ANTXR1: variants seen among roughly 807,000 people sequenced by gnomAD.
ANTXR1 encodes the protein anthrax toxin receptor 1.
In ANTXR1, 19 loss-of-function variants were observed where a neutral mutation model predicts 78.1. The observed-to-expected ratio is 0.24, with a 90% confidence interval of 0.17 to 0.36. The LOEUF (loss-of-function observed/expected upper bound fraction) is 0.36. Ranked by LOEUF, ANTXR1 falls within the 10% of genes least tolerant of loss-of-function variation. ANTXR1 has a pLI of 1.00. For missense variants in ANTXR1, 518 were observed against 718.6 expected, an observed-to-expected ratio of 0.72 and a Z score of 3.19; for synonymous variants, 273 against 260.5, an observed-to-expected ratio of 1.05 and a Z score of -0.46.
At chr2:69,101,282 A>G (rs566535629) in intron 9 of ANTXR1, among the ~76,000 whole-genome samples, 2 of 152,324 alleles carry the variant, frequency 1.3e-5, no homozygotes, top group East Asian at 3.9e-4. Context: ...CAACTCCTAA[A>G]TGACTCATCT....
At chr2:69,129,203 A>C (rs76240410) in intron 12 of ANTXR1, among the ~76,000 whole-genome samples, 6,425 of 152,272 alleles carry the variant, frequency 0.042, 462 homozygotes, top group African/African-American at 0.15. Context: ...AAAATTACTA[A>C]TATAGTGCTG....
intron 10 of ANTXR1, among the ~76,000 whole-genome samples, chr2:69,117,985 C>T (rs1672206973): frequency 6.6e-6 from 1 of 152,160 alleles, no homozygotes; most frequent in Non-Finnish European, 1.5e-5. Context: ...CCTGATAAAT[C>T]CCCAAATCCT....
intron 12 of ANTXR1, among the ~76,000 whole-genome samples, chr2:69,150,608 TA>T (rs1673366704): frequency 6.6e-6 from 1 of 152,156 alleles, no homozygotes; most frequent in South Asian, 2.1e-4. Flanking sequence ...AATATAAATT[TA>T]AAAATTTAGT....
intron 10 of ANTXR1, among the ~76,000 whole-genome samples, chr2:69,109,835 T>C (rs1671923943): frequency 6.6e-6 from 1 of 152,096 alleles, no homozygotes; most frequent in African/African-American, 2.4e-5. Context: ...AATTTGAATG[T>C]TTGAGTGCAT....
chr2:69,094,895 G>A (rs1010463198), intron 9 of ANTXR1, among the ~76,000 whole-genome samples: 5 of 152,182 alleles, frequency 3.3e-5, no homozygotes, highest in Admixed American at 1.3e-4. Flanking sequence ...TCCTGACTTA[G>A]TAACAATTAA....
rs80221063 is a variant in ANTXR1, at chr2:69,160,419, C to G, written c.1047+8155C>G. Among the ~76,000 whole-genome samples, 419 of 152,248 alleles carry G rather than the reference C, an allele frequency of 2.8e-3. 1 individual carries two copies. Among genetic ancestry groups the G allele is most frequent in the Non-Finnish European group, 5.0e-3 (340 of 68,014 alleles). On this transcript the variant is annotated intron_variant, in intron 13 of 17. Transcript: ENST00000303714. ...GTCCAATCCTTTAACCTTAATTTCC[C>G]CCGTGTGAAAAACTAGAAAATTGGA... is the stretch of plus-strand genomic sequence containing the variant.
intron 4 of ANTXR1, among the ~76,000 whole-genome samples, 184 bp downstream of exon 4, chr2:69,070,912 T>A (rs886685251): frequency 6.6e-6 from 1 of 152,182 alleles, no homozygotes; most frequent in African/African-American, 2.4e-5. Flanking sequence ...AAGAAATGGA[T>A]TCCCTTCCTT....
intron 12 of ANTXR1, among the ~76,000 whole-genome samples, chr2:69,144,700 T>G (rs1238861236): frequency 2.6e-5 from 4 of 152,248 alleles, no homozygotes; most frequent in Non-Finnish European, 5.9e-5. Flanking sequence ...TAATTCATTC[T>G]TTCATGTTAA....
chr2:69,114,377 G>A (rs538539348), intron 10 of ANTXR1, among the ~76,000 whole-genome samples: 1 of 152,306 alleles, frequency 6.6e-6, no homozygotes, highest in South Asian at 2.1e-4. Flanking sequence ...AGAGCTGTGA[G>A]GTCACAACCT....
intron 17 of ANTXR1, among the ~76,000 whole-genome samples, chr2:69,225,163 C>T (rs961657547): frequency 6.6e-6 from 1 of 152,154 alleles, no homozygotes; most frequent in Non-Finnish European, 1.5e-5. Context: ...TTCACAGTCC[C>T]GAGCACCCTT....
At position 69,037,937 on chromosome 2, in the gene ANTXR1, A is replaced by C. The variant is rs373093680; in HGVS notation, c.153-2107A>C. 1.9e-4 allele frequency among the ~76,000 whole-genome samples: 29 copies of C among 151,622 alleles called. 1 individual carries two copies. Among genetic ancestry groups the C allele is most frequent in the African/African-American group, 7.0e-4 (29 of 41,314 alleles). On this transcript the variant is annotated intron_variant, in intron 1 of 17. Coordinates refer to ENST00000303714, the MANE Select transcript of ANTXR1 (RefSeq NM_032208.3). ...CCCTTCCCCATCTCCCCAGCTCCTC[A>C]CCTCCCCTCTACAGGCTGCATGGTG...
intron 17 of ANTXR1, among the ~76,000 whole-genome samples, chr2:69,230,857 G>C (rs1166833106): frequency 6.6e-6 from 1 of 152,084 alleles, no homozygotes; most frequent in African/African-American, 2.4e-5. Context: ...TGTTACATAG[G>C]TAAACATGTG....
intron 17 of ANTXR1, among the ~76,000 whole-genome samples, chr2:69,216,694 G>A (rs560173813): frequency 6.6e-6 from 1 of 152,190 alleles, no homozygotes; most frequent in South Asian, 2.1e-4. Context: ...CTTGATCAAG[G>A]AGCAAGACCT....
chr2:69,054,616 CCTT>C (rs531182523), intron 3 of ANTXR1, among the ~76,000 whole-genome samples: 3 of 152,176 alleles, frequency 2.0e-5, no homozygotes, highest in Non-Finnish European at 4.4e-5. Context: ...ATGTCTCTCT[CCTT>C]CTCAGTCATC....
Position 69,082,039 on chromosome 2 carries a change from T to C in ANTXR1, c.642+4551T>C, listed in dbSNP as rs72827631. On this transcript the variant is annotated intron_variant, in intron 8 of 17. Coordinates refer to ENST00000303714, the MANE Select transcript of ANTXR1 (RefSeq NM_032208.3). ...GATGTGAATGCCCACTGTGTTCTAC[T>C]AAACAATGCAGGCAGGCCAGGAAGT... Among the ~76,000 whole-genome samples the C allele has an allele frequency of 5.0e-3, 762 of 152,278 alleles. 2 individuals carry two copies. Among genetic ancestry groups the C allele is most frequent in the Non-Finnish European group, 8.3e-3 (566 of 68,028 alleles).
intron 12 of ANTXR1, among the ~76,000 whole-genome samples, chr2:69,151,338 C>A (rs1381363786): frequency 6.6e-6 from 1 of 152,042 alleles, no homozygotes; most frequent in African/African-American, 2.4e-5. Flanking sequence ...CCCCTCTCTC[C>A]TAGAAAGATT....
chr2:69,013,476 C>G lies in ANTXR1; in HGVS notation c.-24C>G. The G allele has an allele frequency of 6.3e-7, 1 of 1,584,452 alleles. No homozygotes were observed. ...TCGCGGAGCGTGGGAAGGAGCGGAC[C>G]CTGCTCTCCCCGGGCTGCGGGCCAT... On this transcript the variant is annotated 5_prime_UTR_variant, in exon 1 of 18. Transcript: ENST00000303714. This position sits in a 1 kb window ranked among gnomAD's most constrained non-coding sequence, Gnocchi z 5.0.
rs370984480 is a variant in ANTXR1, at chr2:69,040,256, T to C, written c.224+141T>C. ...GGCTCTCAGATCTCGGACCAGAGAC[T>C]GTTTGCTTTGTTTTCATCTTTGCCA... is the stretch of plus-strand genomic sequence containing the variant. On this transcript the variant is annotated intron_variant, in intron 2 of 17. Transcript: ENST00000303714. 67 of 735,890 alleles carry C rather than the reference T, an allele frequency of 9.1e-5. No homozygotes were observed. The East Asian group carries it at 1.8e-3, about 20-fold the overall frequency. The allele number at this position is 735,890 out of a possible 1,614,324, so 45.6% of individuals were successfully genotyped here.
chr2:69,093,217 C>T (rs565715199), intron 9 of ANTXR1, among the ~76,000 whole-genome samples: 14 of 152,260 alleles, frequency 9.2e-5, no homozygotes, highest in Non-Finnish European at 5.9e-5. Flanking sequence ...TTCATGTATT[C>T]GTTAAAAAAA....
Sources: gnomAD v4.1 joint callset for allele counts (sites outside exome capture counted in the v4.1 genomes callset) on GRCh38, gnomAD v4.1.1 for gene constraint, Gnocchi (gnomAD v3.1) non-coding constraint, MANE v1.5 for transcripts, NCBI Gene and HGNC (gene_info 2026-07-23, HGNC 2026-07-21) for gene names.